KCMF1: variants seen among roughly 807,000 people sequenced by gnomAD.
KCMF1 encodes the protein E3 ubiquitin-protein ligase KCMF1.
Under a neutral mutation model 41.1 loss-of-function variants are expected in KCMF1, and 3 were observed. The ratio of observed to expected loss-of-function variants is 0.07; its 90% confidence interval spans 0.03 to 0.19. The LOEUF (loss-of-function observed/expected upper bound fraction) is 0.19. Ranked by LOEUF, KCMF1 falls within the 10% of genes least tolerant of loss-of-function variation. The pLI is 1.00. For synonymous variants in KCMF1, 142 were observed against 164.5 expected (o/e 0.86, Z 1.04); for missense variants, 286 against 488.9 (o/e 0.58, Z 3.91).
chr2:84,975,136 C>T (rs967759178), intron 1 of KCMF1, among the ~76,000 whole-genome samples: 1 of 152,040 alleles, frequency 6.6e-6, no homozygotes, highest in Non-Finnish European at 1.5e-5. Context: ...GCCGTGGTGG[C>T]TCACGCTGAG....
intron 4 of KCMF1, among the ~76,000 whole-genome samples, chr2:85,044,414 A>T (rs1288358632): frequency 6.6e-6 from 1 of 151,816 alleles, no homozygotes; most frequent in Non-Finnish European, 1.5e-5. Flanking sequence ...TTGCTCTGTC[A>T]GCCAGGCTGG....
At chr2:84,993,528 T>A (rs540986865) in intron 1 of KCMF1, among the ~76,000 whole-genome samples, 7 of 152,002 alleles carry the variant, frequency 4.6e-5, no homozygotes, top group African/African-American at 1.7e-4. Context: ...TTATCATTTT[T>A]TGGTCAATTC....
Position 85,055,482 on chromosome 2 carries a change from G to GT in KCMF1, c.*2074dup, listed in dbSNP as rs113886933. ...TTTAACATGGTTTTAGGGAACAACTGTAAGTCCATTCAGAGCAGTTTAATT... is the reference window on the plus strand; with the variant it reads ...TTTAACATGGTTTTAGGGAACAACTGTTAAGTCCATTCAGAGCAGTTTAATT... On this transcript the variant is annotated 3_prime_UTR_variant, in exon 7 of 7. Transcript: ENST00000409785. The GT allele has an allele frequency of 6.6e-6, 1 of 152,152 alleles. No homozygotes were observed. The highest frequency in any genetic ancestry group is 2.4e-5 in the African/African-American group (1 of 41,450). 9.4% of individuals were successfully genotyped at this position (152,152 alleles called of 1,614,324 possible). A position where few individuals can be genotyped will look rare whatever the true frequency, so the allele number is the denominator to read the frequency against.
chr2:85,037,024 C>A (rs1160461936), intron 3 of KCMF1, among the ~76,000 whole-genome samples: 2 of 135,898 alleles, frequency 1.5e-5, no homozygotes, highest in African/African-American at 2.7e-5. Flanking sequence ...AGTAAATACT[C>A]AAAATTTGTT....
chr2:84,998,477 A>G (rs2103986334), intron 1 of KCMF1, among the ~76,000 whole-genome samples: 1 of 152,326 alleles, frequency 6.6e-6, no homozygotes, highest in South Asian at 2.1e-4. Context: ...TTTGCAGTAT[A>G]GTCTGATAAT....
At chr2:84,986,333 T>C (rs563904061) in intron 1 of KCMF1, among the ~76,000 whole-genome samples, 37 of 152,268 alleles carry the variant, frequency 2.4e-4, no homozygotes, top group South Asian at 2.3e-3. Context: ...GCAAGTGGAA[T>C]GAGGTGTTAT....
At chr2:85,008,437 TAC>T (rs1674568846) in intron 1 of KCMF1, among the ~76,000 whole-genome samples, 1 of 120,472 alleles carries the variant, frequency 8.3e-6, no homozygotes, top group Non-Finnish European at 1.8e-5. Flanking sequence ...ATATGATATA[TAC>T]ATCATATATC....
chr2:85,031,137 T>C (rs1256024828), intron 2 of KCMF1, among the ~76,000 whole-genome samples: 1 of 152,260 alleles, frequency 6.6e-6, no homozygotes, highest in Admixed American at 6.5e-5. Flanking sequence ...GTTTCATTTC[T>C]GTATTTTAGA....
At chr2:85,021,983 AT>A (rs1439962461) in intron 1 of KCMF1, among the ~76,000 whole-genome samples, 1 of 151,298 alleles carries the variant, frequency 6.6e-6, no homozygotes, top group Non-Finnish European at 1.5e-5. Flanking sequence ...CGCCTGGCTA[AT>A]TTTTGTATTT....
At chr2:85,034,034 AT>A (rs1553382233) in intron 2 of KCMF1, among the ~76,000 whole-genome samples, 2 of 149,498 alleles carry the variant, frequency 1.3e-5, no homozygotes, top group African/African-American at 4.9e-5. Flanking sequence ...AAAAAAAAAA[AT>A]TTTTTTTTTA....
chr2:85,037,905 C>T (rs1675441546), intron 3 of KCMF1, among the ~76,000 whole-genome samples: 1 of 152,192 alleles, frequency 6.6e-6, no homozygotes, highest in South Asian at 2.1e-4. Flanking sequence ...GTCAGATCAG[C>T]AACATCATTA....
intron 1 of KCMF1, among the ~76,000 whole-genome samples, chr2:84,977,400 T>C (rs1433420196): frequency 6.6e-6 from 1 of 152,190 alleles, no homozygotes; most frequent in Admixed American, 6.5e-5. Context: ...AACTGTAATC[T>C]GTTAACAGAT....
At chr2:85,008,325 TATAATATATA>T (rs2103999496) in intron 1 of KCMF1, among the ~76,000 whole-genome samples, 3 of 102,434 alleles carry the variant, frequency 2.9e-5, no homozygotes, top group Admixed American at 2.1e-4. Context: ...ATATATCATA[TATAATATATA>T]ATATGATATA....
In KCMF1 at chr2:85,007,803, G is replaced by A. The variant is rs142555631; in HGVS notation, c.17-20086G>A. On this transcript the variant is annotated intron_variant, in intron 1 of 6. Coordinates refer to ENST00000409785, the MANE Select transcript of KCMF1 (RefSeq NM_020122.5). Reference sequence around the variant, plus strand: ...GTTGTTGTTTTTGAGACAGAGTCTCGTCACCCAGTCTGGAGTGCAATGGCG... The same window carrying A: ...GTTGTTGTTTTTGAGACAGAGTCTCATCACCCAGTCTGGAGTGCAATGGCG... 5.2e-4 allele frequency among the ~76,000 whole-genome samples: 79 copies of A among 152,242 alleles called. 1 individual carries two copies. The highest frequency in any genetic ancestry group is 5.2e-4 in the Admixed American group (8 of 15,294).
In KCMF1 at chr2:85,009,662, C is replaced by T. The variant is rs192272066; in HGVS notation, c.17-18227C>T. Among the ~76,000 whole-genome samples the T allele has an allele frequency of 9.9e-5, 15 of 152,220 alleles. No homozygotes were observed. The South Asian group carries it at 3.1e-3, about 32-fold the overall frequency. The stretch of plus-strand genomic sequence containing the variant: ...GATTTCTGTCTCTTTCTCTCTTCCC[C>T]CCTCTTCTTTCTTTTTTCTGTTTCT... On this transcript the variant is annotated intron_variant, in intron 1 of 6. Coordinates refer to ENST00000409785, the MANE Select transcript of KCMF1 (RefSeq NM_020122.5).
chr2:84,977,041 C>G (rs915226599), intron 1 of KCMF1, among the ~76,000 whole-genome samples: 2 of 151,556 alleles, frequency 1.3e-5, no homozygotes, highest in Admixed American at 1.3e-4. Flanking sequence ...TTTTTTTACT[C>G]TCTGTTGCCC....
At chr2:85,030,386 C>T (rs144276872) in intron 2 of KCMF1, among the ~76,000 whole-genome samples, 1 of 152,134 alleles carries the variant, frequency 6.6e-6, no homozygotes, top group East Asian at 1.9e-4. Flanking sequence ...GCATTTGATG[C>T]TGTATCTAGA....
chr2:85,025,669 C>T (rs56367002), intron 1 of KCMF1, among the ~76,000 whole-genome samples: 10,037 of 151,958 alleles, frequency 0.066, 563 homozygotes, highest in East Asian at 0.34. Flanking sequence ...AGTGCAGTGG[C>T]GCAACCTCAG....
intron 1 of KCMF1, among the ~76,000 whole-genome samples, chr2:84,976,203 CCT>C (rs369765002): frequency 0.015 from 2,203 of 149,200 alleles, 26 homozygotes; most frequent in South Asian, 0.062. Context: ...CTTCTTAACT[CCT>C]TTTTTTTTTT....
Sources: gnomAD v4.1 joint callset for allele counts (sites outside exome capture counted in the v4.1 genomes callset) on GRCh38, gnomAD v4.1.1 for gene constraint, MANE v1.5 for transcripts, NCBI Gene and HGNC (gene_info 2026-07-23, HGNC 2026-07-21) for gene names.